FANCD2: variants seen among roughly 807,000 people sequenced by gnomAD.
FANCD2 encodes the protein FA complementation group D2.
A neutral mutation model predicts 192.3 loss-of-function variants in FANCD2; 131 were observed. That is an observed-to-expected ratio of 0.68 (90% CI 0.59 to 0.79). FANCD2 has a LOEUF of 0.79. FANCD2 is among the 30% of genes least tolerant of loss of function. The pLI is 0.00. For missense variants in FANCD2, 1,508 were observed against 1,701.6 expected, an observed-to-expected ratio of 0.89 and a Z score of 2.00; for synonymous variants, 524 against 612.5, an observed-to-expected ratio of 0.86 and a Z score of 2.13.
intron 19 of FANCD2, among the ~76,000 whole-genome samples, chr3:10,061,695 GAAAA>G (rs2087571958): frequency 6.6e-6 from 1 of 151,956 alleles, no homozygotes; most frequent in African/African-American, 2.4e-5. Context: ...AAAGAAAAAA[GAAAA>G]AAATATATAG....
chr3:10,088,833 A>G lies in FANCD2; in HGVS notation c.3566A>G (p.Tyr1189Cys), dbSNP rs2125077581. The G allele has an allele frequency of 1.2e-6, 2 of 1,614,118 alleles. No homozygotes were observed. The highest frequency in any genetic ancestry group is 1.7e-6 in the Non-Finnish European group (2 of 1,179,970). The change falls in exon 36 of 44, where the codon TAC becomes TGC. Residue 1189 changes from tyrosine (Y) to cysteine (C), a missense_variant. By Grantham distance (194) the Tyr-to-Cys change is radical. Coordinates refer to ENST00000675286, the MANE Select transcript of FANCD2 (RefSeq NM_001018115.3). ...ATATTTGACTCTCAATGCAGTATCTACCTGGAGCACACAGAGAGCATTCTG... is the reference window on the plus strand; with the variant it reads ...ATATTTGACTCTCAATGCAGTATCTGCCTGGAGCACACAGAGAGCATTCTG... Reference protein sequence around the residue: ...NDQLHALLCIYLEHTESILKA... With the variant: ...NDQLHALLCICLEHTESILKA...
chr3:10,095,281 AGG>A lies in FANCD2; in HGVS notation c.4038+10_4038+11del. 6.2e-7 allele frequency: 1 copy of A among 1,613,504 alleles called. No homozygotes were observed. Among genetic ancestry groups the A allele is most frequent in the African/African-American group, 1.3e-5 (1 of 75,052 alleles). ...CCTGTGTGGGCATTCCAAGGTAAGA[AGG>A]GGAGCAGGTTCTATCAGCAGCCTGC... On this transcript the variant is annotated splice_region_variant and intron_variant, in intron 41 of 43. Transcript: ENST00000675286.
chr3:10,028,050 TA>T (rs34136078), intron 1 of FANCD2, among the ~76,000 whole-genome samples: 102,624 of 141,654 alleles, frequency 0.72, 38,251 homozygotes, highest in East Asian at 0.93. Flanking sequence ...CTGTCTCTAC[TA>T]AAAAAAAAAA....
chr3:10,038,116 G>A (rs1276702188), intron 7 of FANCD2, among the ~76,000 whole-genome samples: 2 of 151,694 alleles, frequency 1.3e-5, no homozygotes, highest in African/African-American at 4.8e-5. Context: ...TCAGCCCCCC[G>A]AGTAGCTGGG....
In FANCD2 at chr3:10,067,191, G is replaced by A. The variant is rs2087744434; in HGVS notation, c.2386-18G>A. On this transcript the variant is annotated intron_variant, in intron 25 of 43. Transcript: ENST00000675286. Reference sequence around the variant, plus strand: ...TCTGAACATTTGGAAGTATGAGAATGTAATTTGTACTTTGCAGATTGTAAA... The same window carrying A: ...TCTGAACATTTGGAAGTATGAGAATATAATTTGTACTTTGCAGATTGTAAA... 3.4e-6 allele frequency: 5 copies of A among 1,460,898 alleles called. No individual in the cohort carries two copies. The highest frequency in any genetic ancestry group is 4.8e-6 in the Non-Finnish European group (5 of 1,042,132). The allele number at this position is 1,460,898 out of a possible 1,614,324, so 90.5% of individuals were successfully genotyped here.
Position 10,074,684 on chromosome 3 carries a change from G to C in FANCD2, c.2859+11G>C. 1 of 1,613,018 alleles carries C rather than the reference G, an allele frequency of 6.2e-7. No individual in the cohort carries two copies. The highest frequency in any genetic ancestry group is 8.5e-7 in the Non-Finnish European group (1 of 1,179,388). On this transcript the variant is annotated intron_variant, in intron 29 of 43. Coordinates refer to ENST00000675286, the MANE Select transcript of FANCD2 (RefSeq NM_001018115.3). ...GAAATGCACACTGAAGTAAGTGACA[G>C]GCTAGGATCTCAGAATTTAATCTTC... is the stretch of plus-strand genomic sequence containing the variant.
At chr3:10,053,281 A>G (rs1212276961) in intron 18 of FANCD2, among the ~76,000 whole-genome samples, 2 of 151,774 alleles carry the variant, frequency 1.3e-5, no homozygotes, top group Non-Finnish European at 2.9e-5. Context: ...CGCAAGAACA[A>G]AAAACCGCAC....
intron 17 of FANCD2, among the ~76,000 whole-genome samples, chr3:10,049,768 T>C (rs893344709): frequency 5.3e-5 from 8 of 152,242 alleles, no homozygotes; most frequent in African/African-American, 1.7e-4. Flanking sequence ...ACATGGTGAA[T>C]TCTCTGGTAA....
At chr3:10,042,459 G>A in intron 10 of FANCD2, 100 bp from the exon 11 acceptor site, 1 of 984,840 alleles carries the variant, frequency 1.0e-6, no homozygotes, top group Non-Finnish European at 1.6e-6. Flanking sequence ...GGAAGATGGA[G>A]TAAGAGAAGT....
intron 32 of FANCD2, chr3:10,083,476 CTT>C (rs1693970658): frequency 6.6e-6 from 1 of 152,138 alleles, no homozygotes; most frequent in African/African-American, 2.4e-5. Context: ...TCTAGGGGGA[CTT>C]TACAATGGTA....
Position 10,042,716 on chromosome 3 carries a change from C to T in FANCD2, c.888+53C>T, listed in dbSNP as rs542791021. ...GATAAAGCAACTTAAGTGCCAATTGCTCTTCTCTGTCCCCAGACTAACTGA... is the reference window on the plus strand; with the variant it reads ...GATAAAGCAACTTAAGTGCCAATTGTTCTTCTCTGTCCCCAGACTAACTGA... On this transcript the variant is annotated intron_variant, in intron 11 of 43. Coordinates refer to ENST00000675286, the MANE Select transcript of FANCD2 (RefSeq NM_001018115.3). 1.5e-5 allele frequency: 21 copies of T among 1,359,752 alleles called. No homozygotes were observed. In the South Asian group the frequency reaches 2.3e-4, roughly 15 times the overall value. 84.2% of individuals were successfully genotyped at this position (1,359,752 alleles called of 1,614,324 possible). A position where few individuals can be genotyped will look rare whatever the true frequency, so the allele number is the denominator to read the frequency against.
chr3:10,085,989 T>C, intron 33 of FANCD2, 67 bp downstream of exon 33: 1 of 1,063,720 alleles, frequency 9.4e-7, no homozygotes, highest in East Asian at 2.4e-5. Context: ...TTGGCAACTT[T>C]CTTTAAAATA....
At chr3:10,054,803 C>CT (rs898048812) in intron 18 of FANCD2, among the ~76,000 whole-genome samples, 3 of 150,998 alleles carry the variant, frequency 2.0e-5, no homozygotes, top group East Asian at 1.9e-4. Context: ...TATTTTTTAT[C>CT]TTTTTTTCCC....
At chr3:10,039,226 G>A (rs368283092) in intron 7 of FANCD2, 53 bp from the exon 8 acceptor site, 4 of 1,343,474 alleles carry the variant, frequency 3.0e-6, no homozygotes, top group Non-Finnish European at 2.1e-6. Flanking sequence ...AATGCTTGCT[G>A]TTATTTTGAC....
At chr3:10,060,454 A>G in intron 19 of FANCD2, 51 bp downstream of exon 19, 1 of 1,347,958 alleles carries the variant, frequency 7.4e-7, no homozygotes, top group Non-Finnish European at 1.1e-6. Context: ...TAATCTTGCT[A>G]ACTAAGTGTT....
intron 38 of FANCD2, 78 bp from the exon 39 acceptor site, chr3:10,093,207 C>A (rs2125088421): frequency 1.8e-6 from 2 of 1,087,910 alleles, no homozygotes; most frequent in Non-Finnish European, 2.9e-6. Flanking sequence ...CAAAGCTGTG[C>A]TTTGCGCAGC....
At chr3:10,027,687 T>A (rs1229036410) in intron 1 of FANCD2, among the ~76,000 whole-genome samples, 1 of 148,980 alleles carries the variant, frequency 6.7e-6, no homozygotes, top group East Asian at 2.0e-4. Context: ...GGGCGGATTA[T>A]GAGGTTATGA....
intron 26 of FANCD2, among the ~76,000 whole-genome samples, chr3:10,069,276 T>C (rs2087804619): frequency 6.6e-6 from 1 of 152,002 alleles, no homozygotes; most frequent in Non-Finnish European, 1.5e-5. Flanking sequence ...GACTAATAAC[T>C]GGAATATATA....
chr3:10,062,644 C>A (rs1236597143), intron 20 of FANCD2, among the ~76,000 whole-genome samples: 2 of 152,106 alleles, frequency 1.3e-5, no homozygotes, highest in African/African-American at 4.8e-5. Flanking sequence ...AGAAGTTTTC[C>A]TGAACTCCTA....
Sources: allele counts gnomAD v4.1 joint callset (sites outside exome capture counted in the v4.1 genomes callset), GRCh38; gene constraint gnomAD v4.1.1; transcripts MANE v1.5; gene names NCBI Gene and HGNC (gene_info 2026-07-23, HGNC 2026-07-21).